The following PDE3A variants were observed in gnomAD, a reference collection of about 807,000 sequenced individuals.
PDE3A encodes phosphodiesterase 3A, also known as cGMP-inhibited 3',5'-cyclic phosphodiesterase 3A.
PDE3A carries 43 observed loss-of-function variants against 98.3 expected under a neutral mutation model. The ratio of observed to expected loss-of-function variants is 0.44; its 90% CI spans 0.34 to 0.56. PDE3A has a LOEUF of 0.56. Ranked by LOEUF, PDE3A falls within the 20% of genes least tolerant of loss-of-function variation. The pLI, the probability that PDE3A is intolerant of heterozygous loss-of-function variation, is 0.01. For missense variants in PDE3A, 1,427 were observed against 1,440.7 expected (o/e 0.99, Z 0.15); for synonymous variants, 663 against 567.9 (o/e 1.17, Z -2.38).
intron 1 of PDE3A, among the ~76,000 whole-genome samples, chr12:20,405,308 T>C (rs928581026): frequency 6.6e-6 from 1 of 152,186 alleles, no homozygotes; most frequent in African/African-American, 2.4e-5. Flanking sequence ...CGCTACCTCC[T>C]GTTTTCTTTG....
intron 1 of PDE3A, among the ~76,000 whole-genome samples, chr12:20,432,286 A>C (rs1463895697): frequency 2.0e-5 from 3 of 152,200 alleles, no homozygotes; most frequent in Non-Finnish European, 4.4e-5. Flanking sequence ...AGATGCTGGA[A>C]GATTTCTTAA....
At chr12:20,395,647 A>G (rs1389454832) in intron 1 of PDE3A, among the ~76,000 whole-genome samples, 1 of 146,444 alleles carries the variant, frequency 6.8e-6, no homozygotes, top group Non-Finnish European at 1.5e-5. Flanking sequence ...ATATACACAT[A>G]GTATTATATA....
chr12:20,641,822 A>G (rs933011864), intron 10 of PDE3A, among the ~76,000 whole-genome samples: 3 of 152,166 alleles, frequency 2.0e-5, no homozygotes, highest in Non-Finnish European at 2.9e-5. Context: ...TTCCAGGTGA[A>G]AAGAACTTGT....
In PDE3A at chr12:20,552,882, C is replaced by T; in HGVS notation, c.961-3778C>T. The T allele has an allele frequency of 6.2e-7, 1 of 1,612,854 alleles. No individual in the cohort carries two copies. Among genetic ancestry groups the T allele is most frequent in the Non-Finnish European group, 8.5e-7 (1 of 1,179,378 alleles). The stretch of plus-strand genomic sequence containing the variant: ...TGTGCAAGGACTGCCTGGACAGATC[C>T]TTTCGGGCACAGGTGTTCAGCTGCC... On this transcript the variant is annotated intron_variant, in intron 1 of 15. Coordinates refer to ENST00000359062, the MANE Select transcript of PDE3A (RefSeq NM_000921.5). The surrounding 1 kb of genome is among the most constrained non-coding windows in gnomAD (Gnocchi z 5.1).
At chr12:20,385,428 C>T (rs1452575342) in intron 1 of PDE3A, among the ~76,000 whole-genome samples, 3 of 151,978 alleles carry the variant, frequency 2.0e-5, no homozygotes, top group Admixed American at 6.6e-5. Context: ...ACCCAGCCAT[C>T]CCATTACTGG....
intron 1 of PDE3A, among the ~76,000 whole-genome samples, chr12:20,417,816 A>G (rs894807661): frequency 6.6e-6 from 1 of 152,248 alleles, no homozygotes; most frequent in Non-Finnish European, 1.5e-5. Context: ...GCGTACTTAG[A>G]TAATCTCTGA....
chr12:20,589,220 G>A (rs999729153), intron 2 of PDE3A, among the ~76,000 whole-genome samples: 7 of 151,882 alleles, frequency 4.6e-5, no homozygotes, highest in Admixed American at 1.3e-4. Flanking sequence ...CACCATGCCC[G>A]GCCTCAAGTA....
intron 2 of PDE3A, among the ~76,000 whole-genome samples, chr12:20,605,004 T>G (rs1943676465): frequency 1.3e-5 from 2 of 152,330 alleles, no homozygotes; most frequent in South Asian, 4.1e-4. Context: ...TCTTTATAGT[T>G]GTATCTCCCC....
intron 1 of PDE3A, among the ~76,000 whole-genome samples, chr12:20,490,523 A>C (rs1945809296): frequency 6.6e-6 from 1 of 152,184 alleles, no homozygotes; most frequent in Non-Finnish European, 1.5e-5. Context: ...TAAGCAGATC[A>C]AGAGTTGAGG....
intron 14 of PDE3A, among the ~76,000 whole-genome samples, chr12:20,653,661 C>A (rs918338332): frequency 6.6e-6 from 1 of 152,104 alleles, no homozygotes; most frequent in Non-Finnish European, 1.5e-5. Context: ...ATTGCATTTT[C>A]GTGCATTTAT....
rs575646189 is a variant in PDE3A at position 20,552,371 on chromosome 12, G to A, written c.961-4289G>A. The A allele has an allele frequency of 7.4e-6, 12 of 1,613,732 alleles. No homozygotes were observed. In the African/African-American group the frequency reaches 9.3e-5, roughly 13 times the overall value. On this transcript the variant is annotated intron_variant, in intron 1 of 15. Transcript: ENST00000359062. The surrounding 1 kb of genome is among the most constrained non-coding windows in gnomAD (Gnocchi z 5.1). ...TTTCTCGTGTGGCGCTACCTTCTGC[G>A]GAGGGACGATGATGAGCCCGGCCCT...
At chr12:20,639,085 G>A (rs1183036223) in intron 9 of PDE3A, among the ~76,000 whole-genome samples, 1 of 152,054 alleles carries the variant, frequency 6.6e-6, no homozygotes, top group East Asian at 1.9e-4. Flanking sequence ...ATACCTAGTA[G>A]AAAAGTGGTT....
chr12:20,374,618 C>T (rs1242167138), intron 1 of PDE3A, among the ~76,000 whole-genome samples: 3 of 151,832 alleles, frequency 2.0e-5, no homozygotes, highest in Non-Finnish European at 2.9e-5. Context: ...GAGAAATAAT[C>T]TCTTCAGAGC....
intron 6 of PDE3A, among the ~76,000 whole-genome samples, chr12:20,633,410 C>T (rs924860766): frequency 6.6e-6 from 1 of 152,070 alleles, no homozygotes; most frequent in Non-Finnish European, 1.5e-5. Flanking sequence ...AAAATTTTAC[C>T]ATCACTTTCA....
intron 1 of PDE3A, among the ~76,000 whole-genome samples, chr12:20,441,041 A>G (rs919242768): frequency 2.0e-5 from 3 of 152,238 alleles, no homozygotes; most frequent in African/African-American, 7.2e-5. Context: ...TCCTTGAATT[A>G]TTCAACAGTG....
chr12:20,584,255 CT>C (rs756722637), intron 2 of PDE3A, among the ~76,000 whole-genome samples: 43 of 152,216 alleles, frequency 2.8e-4, no homozygotes, highest in East Asian at 2.3e-3. Context: ...TGAGATGAAA[CT>C]TTGTCAACTC....
intron 1 of PDE3A, among the ~76,000 whole-genome samples, chr12:20,383,674 A>G (rs2120556579): frequency 6.6e-6 from 1 of 152,072 alleles, no homozygotes; most frequent in East Asian, 1.9e-4. Flanking sequence ...TTCAGTTTAT[A>G]AATTCTGCCT....
At chr12:20,413,293 G>A (rs1944365739) in intron 1 of PDE3A, among the ~76,000 whole-genome samples, 1 of 152,192 alleles carries the variant, frequency 6.6e-6, no homozygotes, top group Non-Finnish European at 1.5e-5. Flanking sequence ...TTTCCAAAAA[G>A]CATGTGTGAA....
At chr12:20,675,035 T>C (rs1208616183) in intron 15 of PDE3A, among the ~76,000 whole-genome samples, 1 of 152,064 alleles carries the variant, frequency 6.6e-6, no homozygotes, top group African/African-American at 2.4e-5. Context: ...ATTAGGTTGC[T>C]TATTTGAAAC....
Sources: allele counts gnomAD v4.1 joint callset (sites outside exome capture counted in the v4.1 genomes callset), GRCh38; gene constraint gnomAD v4.1.1; non-coding constraint Gnocchi (gnomAD v3.1); transcripts MANE v1.5; gene names NCBI Gene and HGNC (gene_info 2026-07-23, HGNC 2026-07-21).